Variants in PLCB1 observed in about 807,000 individuals in gnomAD.
PLCB1 encodes the protein phospholipase C beta 1.
In PLCB1, 46 loss-of-function variants were observed where a neutral mutation model predicts 161.8. The ratio of observed to expected loss-of-function variants is 0.28; its 90% CI spans 0.22 to 0.36. The LOEUF (loss-of-function observed/expected upper bound fraction) is 0.36, where lower values mean the gene tolerates loss of function less well. PLCB1 is among the 10% of genes least tolerant of loss of function. PLCB1 has a pLI of 1.00. For missense variants in PLCB1, 1,016 were observed against 1,472.5 expected, an observed-to-expected ratio of 0.69 and a Z score of 5.07; for synonymous variants, 517 against 503.7, an observed-to-expected ratio of 1.03 and a Z score of -0.35.
At chr20:8,144,628 G>A (rs766501716) in intron 1 of PLCB1, among the ~76,000 whole-genome samples, 106 of 152,130 alleles carry the variant, frequency 7.0e-4, no homozygotes, top group Non-Finnish European at 1.2e-3. Context: ...CCAAGACTAC[G>A]TTTATAATGT....
chr20:8,233,630 C>T (rs1980180367), intron 2 of PLCB1, among the ~76,000 whole-genome samples: 1 of 152,016 alleles, frequency 6.6e-6, no homozygotes, highest in South Asian at 2.1e-4. Context: ...TGAGCACATC[C>T]CTGTAACCAG....
At chr20:8,318,294 A>C (rs1422253405) in intron 2 of PLCB1, among the ~76,000 whole-genome samples, 3 of 152,286 alleles carry the variant, frequency 2.0e-5, no homozygotes, top group East Asian at 1.9e-4. Flanking sequence ...ATTCATTATT[A>C]ATTCCTAACC....
In PLCB1 at chr20:8,732,784, TA is replaced by T. The variant is rs1284992231; in HGVS notation, c.1889-451del. 5.1e-5 allele frequency among the ~76,000 whole-genome samples: 4 copies of T among 78,042 alleles called. No homozygotes were observed. In the East Asian group the frequency reaches 1.1e-3, roughly 22 times the overall value. The allele number at this position is 78,042 out of a possible 152,430, so 51.2% of individuals were successfully genotyped here. A position where few individuals can be genotyped will look rare whatever the true frequency, so the allele number is the denominator to read the frequency against. ...AGATATTAGATATATTAGAATAATA[TA>T]AATAATATATCTAATATATGTTAGA... On this transcript the variant is annotated intron_variant, in intron 18 of 31. Transcript: ENST00000338037.
intron 23 of PLCB1, among the ~76,000 whole-genome samples, chr20:8,746,195 G>T (rs191749644): frequency 9.7e-4 from 147 of 152,292 alleles, no homozygotes; most frequent in African/African-American, 3.2e-3. Flanking sequence ...GCCTTCCAAA[G>T]TGCTGGGATT....
chr20:8,201,320 G>GT (rs1274980568), intron 2 of PLCB1, among the ~76,000 whole-genome samples: 1 of 151,760 alleles, frequency 6.6e-6, no homozygotes, highest in Admixed American at 6.6e-5. Context: ...AATATTGTGG[G>GT]TTTTTTTAAC....
chr20:8,331,408 T>C (rs1176778353), intron 2 of PLCB1, among the ~76,000 whole-genome samples: 1 of 152,108 alleles, frequency 6.6e-6, no homozygotes, highest in Non-Finnish European at 1.5e-5. Context: ...AGCTGACATA[T>C]TGAGGTTTCT....
intron 31 of PLCB1, among the ~76,000 whole-genome samples, chr20:8,806,937 G>A (rs182550847): frequency 7.2e-5 from 11 of 152,218 alleles, no homozygotes; most frequent in Admixed American, 5.2e-4. Flanking sequence ...GATTCAGGGC[G>A]ACTGCTTTGG....
At chr20:8,815,574 G>A (rs1023345245) in intron 31 of PLCB1, among the ~76,000 whole-genome samples, 2 of 147,858 alleles carry the variant, frequency 1.4e-5, no homozygotes, top group African/African-American at 5.4e-5. Flanking sequence ...AGCCGACGTG[G>A]AAAGAGGCCC....
intron 11 of PLCB1, among the ~76,000 whole-genome samples, chr20:8,700,578 T>C (rs937547344): frequency 3.0e-4 from 46 of 152,186 alleles, no homozygotes; most frequent in African/African-American, 1.1e-3. Context: ...GTGAGAGGCT[T>C]AAAGACTAAA....
intron 25 of PLCB1, among the ~76,000 whole-genome samples, chr20:8,761,623 A>G (rs929706287): frequency 2.6e-5 from 4 of 152,082 alleles, no homozygotes; most frequent in African/African-American, 9.7e-5. Flanking sequence ...GGTTCAAGCA[A>G]TTCTCCTGCC....
chr20:8,542,219 G>A (rs16994904), intron 3 of PLCB1, among the ~76,000 whole-genome samples: 3 of 152,238 alleles, frequency 2.0e-5, no homozygotes, highest in Admixed American at 6.5e-5. Flanking sequence ...CGTGTGAACC[G>A]TGCTCTGCTG....
At chr20:8,140,588 GA>G (rs112824800) in intron 1 of PLCB1, among the ~76,000 whole-genome samples, 8,948 of 152,158 alleles carry the variant, frequency 0.059, 784 homozygotes, top group African/African-American at 0.19. Flanking sequence ...CGGGTGGTAG[GA>G]AAAAGAGCAA....
intron 4 of PLCB1, 23 bp from the exon 5 acceptor site, chr20:8,646,079 C>A: frequency 8.5e-6 from 13 of 1,528,208 alleles, no homozygotes; most frequent in African/African-American, 1.4e-5. Flanking sequence ...TAAGCTAATG[C>A]AAGTGTTATT....
At position 8,729,167 on chromosome 20, in the gene PLCB1, G is replaced by A. The variant is rs45492700; in HGVS notation, c.1881G>A (p.Gln627=). 156 of 1,611,666 alleles carry A rather than the reference G, an allele frequency of 9.7e-5. No individual in the cohort carries two copies. In the African/African-American group the frequency reaches 1.9e-3, roughly 20 times the overall value. Residue 627 remains glutamine, a synonymous_variant, in exon 18 of 32, where the codon CAG becomes CAA. Transcript: ENST00000338037. ...GTCAGATGGTGGCACTTAATTTCCAGACAATGGGTAAGTACATGCTTGTTC... is the reference window on the plus strand; with the variant it reads ...GTCAGATGGTGGCACTTAATTTCCAAACAATGGGTAAGTACATGCTTGTTC... ...AGCQMVALNF[Q]TMDLAMQINM...
At chr20:8,788,787 A>G in intron 29 of PLCB1, 65 bp downstream of exon 29, 1 of 1,033,676 alleles carries the variant, frequency 9.7e-7, no homozygotes, top group East Asian at 2.5e-5. Flanking sequence ...TGTACGTCAG[A>G]GTCACAGGTT....
At chr20:8,871,417 A>G (rs1378647950) in intron 31 of PLCB1, among the ~76,000 whole-genome samples, 3 of 152,200 alleles carry the variant, frequency 2.0e-5, no homozygotes, top group East Asian at 3.9e-4. Flanking sequence ...GGCAGATTCT[A>G]CAAGGCTCAA....
rs540992890 is a variant in PLCB1, at chr20:8,468,527, G to A, written c.246+97077G>A. ...TTTTACTTTTTGTATAAGGCATAAT[G>A]GAGTGATGTGTGTAAGTCACTTACC... On this transcript the variant is annotated intron_variant, in intron 3 of 31. Transcript: ENST00000338037. 1.6e-4 allele frequency among the ~76,000 whole-genome samples: 24 copies of A among 152,228 alleles called. 1 individual carries two copies. In the South Asian group the frequency reaches 5.0e-3, roughly 32 times the overall value.
At chr20:8,334,163 C>T (rs896111392) in intron 2 of PLCB1, among the ~76,000 whole-genome samples, 2 of 151,654 alleles carry the variant, frequency 1.3e-5, no homozygotes, top group African/African-American at 2.4e-5. Context: ...GAGCCGCGAT[C>T]GCGCCATTGC....
intron 26 of PLCB1, among the ~76,000 whole-genome samples, chr20:8,769,942 C>T (rs1982581008): frequency 6.6e-6 from 1 of 151,910 alleles, no homozygotes; most frequent in African/African-American, 2.4e-5. Context: ...GTAATAAAAT[C>T]ATCTCTTTTT....
Sources: allele counts gnomAD v4.1 joint callset (sites outside exome capture counted in the v4.1 genomes callset), GRCh38; gene constraint gnomAD v4.1.1; transcripts MANE v1.5; gene names NCBI Gene and HGNC (gene_info 2026-07-23, HGNC 2026-07-21).